The following TASP1 variants were observed in gnomAD, a reference collection of about 807,000 sequenced individuals.
The protein encoded by TASP1 is taspase 1.
A neutral mutation model predicts 56.6 loss-of-function variants in TASP1; 16 were observed. The observed-to-expected ratio is 0.28, with a 90% confidence interval of 0.19 to 0.43. TASP1 has a LOEUF of 0.43. Ranked by LOEUF, TASP1 falls within the 20% of genes least tolerant of loss-of-function variation. The probability of loss-of-function intolerance (pLI) is 1.00; values close to 1 mark genes in which losing one functional copy is unlikely to be tolerated. For synonymous variants in TASP1, 179 were observed against 184.2 expected (o/e 0.97, Z 0.23); for missense variants, 393 against 511.6 (o/e 0.77, Z 2.24).
chr20:13,445,202 A>T (rs2043362297), intron 11 of TASP1, among the ~76,000 whole-genome samples: 1 of 152,182 alleles, frequency 6.6e-6, no homozygotes, highest in Non-Finnish European at 1.5e-5. Context: ...TGCCACAAAG[A>T]TTAGCAGTAA....
chr20:13,584,229 G>A (rs1051509542), intron 5 of TASP1, among the ~76,000 whole-genome samples: 1 of 152,180 alleles, frequency 6.6e-6, no homozygotes, highest in South Asian at 2.1e-4. Flanking sequence ...CATTCAAGAG[G>A]TAAATGAAAA....
At chr20:13,251,019 GA>G in the TASP1 span, among the ~76,000 whole-genome samples, 1 of 152,090 alleles carries the variant, frequency 6.6e-6, no homozygotes, top group African/African-American at 2.4e-5. Context: ...TATAACTTAT[GA>G]CCATTGATTG....
the TASP1 span, among the ~76,000 whole-genome samples, chr20:13,258,589 C>G: frequency 9.5e-3 from 1,441 of 152,204 alleles, 14 homozygotes; most frequent in Middle Eastern, 0.02. Flanking sequence ...AACATCTCCC[C>G]CTTCATGACC....
the TASP1 span, among the ~76,000 whole-genome samples, chr20:13,223,763 A>G: frequency 6.6e-6 from 1 of 152,300 alleles, no homozygotes; most frequent in African/African-American, 2.4e-5. Context: ...GCACCCACCA[A>G]TCTAACACTG....
intron 4 of TASP1, among the ~76,000 whole-genome samples, chr20:13,600,113 T>A (rs2147347876): frequency 2.0e-5 from 3 of 152,206 alleles, no homozygotes; most frequent in Admixed American, 2.0e-4. Context: ...CACAAAATAA[T>A]CTTGAGAGAT....
At chr20:13,414,139 T>G (rs2042177567) in intron 13 of TASP1, among the ~76,000 whole-genome samples, 1 of 152,232 alleles carries the variant, frequency 6.6e-6, no homozygotes, top group African/African-American at 2.4e-5. Context: ...AATTATTTCC[T>G]CTGGAACATT....
chr20:13,133,100 T>A, the TASP1 span: 3 of 152,362 alleles, frequency 2.0e-5, no homozygotes, highest in African/African-American at 7.2e-5. Context: ...GAGATGCTCT[T>A]CTCTTCTGGT....
chr20:13,268,114 G>GTCTTCTCTTCTCTTCTCTTC, the TASP1 span, among the ~76,000 whole-genome samples: 14,841 of 139,714 alleles, frequency 0.11, 1,268 homozygotes, highest in East Asian at 0.26. Context: ...CTCCTCTCCT[G>GTCTTCTCTTCTCTTCTCTTC]TCTTCTCTTC....
intron 10 of TASP1, among the ~76,000 whole-genome samples, chr20:13,517,367 T>A (rs896736894): frequency 1.3e-5 from 2 of 152,138 alleles, no homozygotes; most frequent in African/African-American, 4.8e-5. Flanking sequence ...CATGAACTCA[T>A]GATGCATGGA....
chr20:13,622,643 G>A (rs2048755824), intron 4 of TASP1, among the ~76,000 whole-genome samples: 1 of 152,038 alleles, frequency 6.6e-6, no homozygotes, highest in Non-Finnish European at 1.5e-5. Flanking sequence ...TAAATACAAG[G>A]GCCACAACCC....
the TASP1 span, among the ~76,000 whole-genome samples, chr20:13,169,680 AT>A: frequency 2.6e-5 from 4 of 151,976 alleles, no homozygotes; most frequent in Admixed American, 1.3e-4. Context: ...TAATTGATCC[AT>A]TTTTTTTAAA....
At chr20:13,335,623 T>C in the TASP1 span, among the ~76,000 whole-genome samples, 1 of 151,934 alleles carries the variant, frequency 6.6e-6, no homozygotes, top group Non-Finnish European at 1.5e-5. Flanking sequence ...ATGTTAAAAA[T>C]AGTATTCATG....
At chr20:13,501,845 A>G (rs2043959014) in intron 10 of TASP1, among the ~76,000 whole-genome samples, 1 of 152,016 alleles carries the variant, frequency 6.6e-6, no homozygotes, top group Non-Finnish European at 1.5e-5. Flanking sequence ...TATAGCAGAC[A>G]AGTACTAAGG....
the TASP1 span, among the ~76,000 whole-genome samples, chr20:13,267,339 T>C: frequency 6.6e-6 from 1 of 152,186 alleles, no homozygotes. Flanking sequence ...GATGGAGAAA[T>C]GCCACAGTTG....
chr20:13,578,337 TC>T (rs1448981542), intron 6 of TASP1, among the ~76,000 whole-genome samples: 1 of 152,142 alleles, frequency 6.6e-6, no homozygotes, highest in Admixed American at 6.5e-5. Flanking sequence ...ATTTGGGTTG[TC>T]TTTTTCTTAT....
At chr20:13,133,393 A>G in the TASP1 span, among the ~76,000 whole-genome samples, 1 of 152,154 alleles carries the variant, frequency 6.6e-6, no homozygotes, top group African/African-American at 2.4e-5. Context: ...TTTCCCTCCC[A>G]TCAGACATTA....
the TASP1 span, chr20:13,117,586 C>A: frequency 6.2e-7 from 1 of 1,613,948 alleles, no homozygotes; most frequent in South Asian, 1.1e-5. Flanking sequence ...ATAGATGAAG[C>A]TCACAGTATT....
chr20:13,279,452 C>T, the TASP1 span, among the ~76,000 whole-genome samples: 188 of 152,302 alleles, frequency 1.2e-3, 1 homozygote, highest in Non-Finnish European at 2.0e-3. Flanking sequence ...TCCATCTAGC[C>T]GTGGAATTCT....
At chr20:13,601,600 T>C (rs556526404) in intron 4 of TASP1, among the ~76,000 whole-genome samples, 1 of 152,144 alleles carries the variant, frequency 6.6e-6, no homozygotes, top group South Asian at 2.1e-4. Flanking sequence ...AGTTACTCCA[T>C]GCTCAAGAAG....
Sources: gnomAD v4.1 joint callset for allele counts (sites outside exome capture counted in the v4.1 genomes callset) on GRCh38, gnomAD v4.1.1 for gene constraint, MANE v1.5 for transcripts, NCBI Gene and HGNC (gene_info 2026-07-23, HGNC 2026-07-21) for gene names.